Variants in SERTAD2 observed in about 807,000 individuals in gnomAD.
SERTAD2 encodes SERTA domain-containing protein 2.
SERTAD2 carries 2 observed loss-of-function variants against 15.4 expected under a neutral mutation model. The observed-to-expected ratio is 0.13, with a 90% confidence interval of 0.05 to 0.41. SERTAD2 has a LOEUF of 0.41. Among genes scored for constraint, SERTAD2 ranks in the 10% least tolerant of loss-of-function variants. The pLI is 0.99. For synonymous variants in SERTAD2, 180 were observed against 178.0 expected, an observed-to-expected ratio of 1.01 and a Z score of -0.09; for missense variants, 333 against 409.7, an observed-to-expected ratio of 0.81 and a Z score of 1.62.
In SERTAD2 at chr2:64,636,446, C is replaced by T. The variant is rs745596625; in HGVS notation, c.426G>A (p.Thr142=). 5.6e-6 allele frequency: 9 copies of T among 1,614,004 alleles called. No individual in the cohort carries two copies. The highest frequency in any genetic ancestry group is 1.3e-5 in the African/African-American group (1 of 74,894). The change falls in exon 2 of 2, where the codon ACG becomes ACA. Residue 142 remains threonine (T), a synonymous_variant. Transcript: ENST00000313349. ...PASLLEDDDD[T]FCTSQAMQPT... is the part of the protein sequence containing the mutation. The stretch of plus-strand genomic sequence containing the variant: ...GCTGCATGGCCTGGGAGGTGCAAAA[C>T]GTGTCATCGTCGTCCTCGAGCAGTG...
chr2:64,644,084 A>G (rs1674842732), intron 1 of SERTAD2, among the ~76,000 whole-genome samples: 1 of 152,164 alleles, frequency 6.6e-6, no homozygotes, highest in South Asian at 2.1e-4. Flanking sequence ...GGAAGAAAAA[A>G]GAAGTGTGGC....
intron 1 of SERTAD2, among the ~76,000 whole-genome samples, chr2:64,650,291 A>C (rs1674981857): frequency 6.6e-6 from 1 of 152,132 alleles, no homozygotes; most frequent in Non-Finnish European, 1.5e-5. Context: ...TTTACTTTAA[A>C]ATTTTCATTT....
intron 1 of SERTAD2, among the ~76,000 whole-genome samples, chr2:64,653,013 G>C (rs1458025393): frequency 1.3e-5 from 2 of 152,094 alleles, no homozygotes; most frequent in African/African-American, 2.4e-5. Flanking sequence ...ATGACTTGTA[G>C]ATTTCTAACT....
At chr2:64,648,132 A>C (rs1674943653) in intron 1 of SERTAD2, among the ~76,000 whole-genome samples, 1 of 151,338 alleles carries the variant, frequency 6.6e-6, no homozygotes, top group African/African-American at 2.5e-5. Context: ...CTACAACATG[A>C]CATGAGTACA....
chr2:64,649,875 G>A (rs1031665781), intron 1 of SERTAD2, among the ~76,000 whole-genome samples: 4 of 152,176 alleles, frequency 2.6e-5, no homozygotes, highest in South Asian at 2.1e-4. Flanking sequence ...GGTGGGCCGG[G>A]CACACTCACC....
intron 1 of SERTAD2, among the ~76,000 whole-genome samples, chr2:64,653,354 A>AC (rs1321660452): frequency 1.4e-5 from 2 of 143,410 alleles, no homozygotes; most frequent in Non-Finnish European, 3.0e-5. Context: ...CGAGCTCCCG[A>AC]CCCCCTCCTG....
chr2:64,638,283 A>C (rs534985970), intron 1 of SERTAD2, among the ~76,000 whole-genome samples: 4 of 152,082 alleles, frequency 2.6e-5, no homozygotes, highest in African/African-American at 7.2e-5. Flanking sequence ...TCCTTTAATA[A>C]CTTATCCACA....
chr2:64,653,344 C>T (rs1055952672), intron 1 of SERTAD2, among the ~76,000 whole-genome samples: 1 of 152,084 alleles, frequency 6.6e-6, no homozygotes, highest in Non-Finnish European at 1.5e-5. Context: ...CTCGGCTCTC[C>T]GAGCTCCCGA....
rs1674542061 is a variant in SERTAD2, at chr2:64,631,926, C to G, written c.*4001G>C. ...GCACATATGGCCTGCATTTCTCTTC[C>G]AAAACTTGTTATCCCCAAAAGAAGT... On this transcript the variant is annotated 3_prime_UTR_variant, in exon 2 of 2. Transcript: ENST00000313349. 6.6e-6 allele frequency: 1 copy of G among 152,614 alleles called. No individual in the cohort carries two copies. Among genetic ancestry groups the G allele is most frequent in the Admixed American group, 6.5e-5 (1 of 15,280 alleles). 9.5% of individuals were successfully genotyped at this position (152,614 alleles called of 1,614,324 possible).
chr2:64,644,016 C>A (rs1674840725), intron 1 of SERTAD2, among the ~76,000 whole-genome samples: 1 of 152,182 alleles, frequency 6.6e-6, no homozygotes, highest in South Asian at 2.1e-4. Flanking sequence ...AAAGATGAGG[C>A]CTTTAACCCA....
chr2:64,643,392 T>C (rs1674818216), intron 1 of SERTAD2, among the ~76,000 whole-genome samples: 1 of 152,206 alleles, frequency 6.6e-6, no homozygotes, highest in South Asian at 2.1e-4. Context: ...GAGCTGGCCA[T>C]GCTCTGCCGC....
At position 64,653,809 on chromosome 2, in the gene SERTAD2, G is replaced by A. The variant is rs1397143958; in HGVS notation, c.-194C>T. 4.6e-5 allele frequency: 7 copies of A among 152,872 alleles called. No homozygotes were observed. The highest frequency in any genetic ancestry group is 1.7e-4 in the African/African-American group (7 of 41,454). 9.5% of individuals were successfully genotyped at this position (152,872 alleles called of 1,614,324 possible). A position where few individuals can be genotyped will look rare whatever the true frequency, so the allele number is the denominator to read the frequency against. ...GCGCCCCGAGCATTATACAATGGTG[G>A]AGGCGGCGGCGGCAGGCAGCGGAGG... is the stretch of plus-strand genomic sequence containing the variant. On this transcript the variant is annotated 5_prime_UTR_variant, in exon 1 of 2. Coordinates refer to ENST00000313349, the MANE Select transcript of SERTAD2 (RefSeq NM_014755.3).
At chr2:64,647,727 A>T (rs1205033223) in intron 1 of SERTAD2, among the ~76,000 whole-genome samples, 1 of 152,156 alleles carries the variant, frequency 6.6e-6, no homozygotes, top group Non-Finnish European at 1.5e-5. Flanking sequence ...AAAACAGGGA[A>T]ATATAAGGTT....
At chr2:64,645,269 G>A (rs549395842) in intron 1 of SERTAD2, among the ~76,000 whole-genome samples, 1 of 152,136 alleles carries the variant, frequency 6.6e-6, no homozygotes, top group Admixed American at 6.5e-5. Flanking sequence ...GCTGCGCACC[G>A]GCCGCGCGGG....
At chr2:64,637,640 A>AT (rs1439804848) in intron 1 of SERTAD2, among the ~76,000 whole-genome samples, 1 of 152,202 alleles carries the variant, frequency 6.6e-6, no homozygotes, top group Non-Finnish European at 1.5e-5. Context: ...ATTAGCTCTG[A>AT]TTATAAGCAT....
At chr2:64,648,682 C>T (rs1366564311) in intron 1 of SERTAD2, among the ~76,000 whole-genome samples, 1 of 152,052 alleles carries the variant, frequency 6.6e-6, no homozygotes, top group East Asian at 1.9e-4. Flanking sequence ...CCCCAGCCTG[C>T]CACTCTATTC....
rs940299575 is a variant in SERTAD2 at position 64,651,966 on chromosome 2, T to C, written c.-5+1654A>G. ...TCTGAGAACAACATGGTTATGTATA[T>C]TTTAATTAGGGGGTGAAACAAGTAA... On this transcript the variant is annotated intron_variant, in intron 1 of 1. Transcript: ENST00000313349. Among the ~76,000 whole-genome samples, 3 of 152,094 alleles carry C rather than the reference T, an allele frequency of 2.0e-5. No homozygotes were observed. The East Asian group carries it at 5.8e-4, about 29-fold the overall frequency.
In SERTAD2 at chr2:64,633,491, A is replaced by G. The variant is rs1319925300; in HGVS notation, c.*2436T>C. The G allele has an allele frequency of 6.6e-6, 1 of 152,244 alleles. No homozygotes were observed. Among genetic ancestry groups the G allele is most frequent in the African/African-American group, 2.4e-5 (1 of 41,460 alleles). The allele number at this position is 152,244 out of a possible 1,614,324, so 9.4% of individuals were successfully genotyped here. ...GTAAATCAGTTTTTAACAATGGCAA[A>G]CCAACTGTTTTACCCTGTTATTGTT... On this transcript the variant is annotated 3_prime_UTR_variant, in exon 2 of 2. Transcript: ENST00000313349.
rs1674650199 is a variant in SERTAD2 at position 64,636,105 on chromosome 2, T to C, written c.767A>G (p.Tyr256Cys). 1.2e-6 allele frequency: 2 copies of C among 1,614,034 alleles called. No individual in the cohort carries two copies. Among genetic ancestry groups the C allele is most frequent in the Non-Finnish European group, 1.7e-6 (2 of 1,180,032 alleles). ...TGAGGAAGTGCAGGGGTCAAAATCA[T>C]ACATGGACGTATCAATGTCAGCAAA... ...ILFADIDTSM[Y>C]DFDPCTSSSG... Residue 256 changes from tyrosine (Y) to cysteine (C), a missense_variant, in exon 2 of 2, where the codon TAT becomes TGT. By Grantham distance (194) the Tyr-to-Cys change is radical. Around this residue, in one of 2 missense-constraint regions of SERTAD2, gnomAD observed 332 missense variants for 392.9 expected, o/e 0.84. Transcript: ENST00000313349.
Sources: allele counts gnomAD v4.1 joint callset (sites outside exome capture counted in the v4.1 genomes callset), GRCh38; gene constraint gnomAD v4.1.1; regional missense constraint gnomAD v4.1.1; transcripts MANE v1.5; gene names NCBI Gene and HGNC (gene_info 2026-07-23, HGNC 2026-07-21).